The following ZNF3 variants were observed in gnomAD, a reference collection of about 807,000 sequenced individuals.
The protein encoded by ZNF3 is zinc finger protein 3, also known as C2-H2 type zinc finger protein.
Under a neutral mutation model 36.9 loss-of-function variants are expected in ZNF3, and 16 were observed. The ratio of observed to expected loss-of-function variants is 0.43; its 90% CI spans 0.29 to 0.66. The LOEUF (loss-of-function observed/expected upper bound fraction) is 0.66, where lower values mean the gene tolerates loss of function less well. Ranked by LOEUF, ZNF3 falls within the 30% of genes least tolerant of loss-of-function variation. The pLI is 0.13. For synonymous variants in ZNF3, 201 were observed against 201.9 expected, an observed-to-expected ratio of 1.00 and a Z score of 0.04; for missense variants, 462 against 543.1, an observed-to-expected ratio of 0.85 and a Z score of 1.48.
In ZNF3 at chr7:100,071,111, G is replaced by C; in HGVS notation, c.*32C>G. 1 of 1,547,446 alleles carries C rather than the reference G, an allele frequency of 6.5e-7. No homozygotes were observed. Among genetic ancestry groups the C allele is most frequent in the Non-Finnish European group, 8.7e-7 (1 of 1,148,584 alleles). The stretch of plus-strand genomic sequence containing the variant: ...GTAAGGCAAGAGCTCTTGAGACTCA[G>C]GGAAAGTGAGGAAAATGGGTGTGTG... On this transcript the variant is annotated 3_prime_UTR_variant, in exon 6 of 6. Transcript: ENST00000299667.
At chr7:100,064,775 A>G in exon 6 of ZNF3, 2 of 1,614,154 alleles carry the variant, frequency 1.2e-6, no homozygotes, top group South Asian at 2.2e-5. Context: ...GCAACATGGC[A>G]GGCAGGAGGT....
chr7:100,073,813 C>G (rs766511297), intron 5 of ZNF3, among the ~76,000 whole-genome samples: 1 of 151,878 alleles, frequency 6.6e-6, no homozygotes, highest in Non-Finnish European at 1.5e-5. Context: ...GATAATCCTT[C>G]GGAAAAGTCT....
At chr7:100,073,580 G>A (rs980280869) in intron 5 of ZNF3, among the ~76,000 whole-genome samples, 4 of 151,878 alleles carry the variant, frequency 2.6e-5, no homozygotes, top group African/African-American at 9.7e-5. Context: ...TCAAACTCCT[G>A]ACCTCAGTAT....
Position 100,071,417 on chromosome 7 carries a change from T to TA in ZNF3, c.1066dup (p.Tyr356LeufsTer42), listed in dbSNP as rs1562862159. 1 of 1,613,918 alleles carries TA rather than the reference T, an allele frequency of 6.2e-7. No individual in the cohort carries two copies. Among genetic ancestry groups the TA allele is most frequent in the Non-Finnish European group, 8.5e-7 (1 of 1,179,972 alleles). ...TCCAGTGTGGATTCTCTGGTGCTGA[T>TA]AGAGGTGTGAGCTCTGGCTGAAGGC... On this transcript the variant is annotated frameshift_variant, in exon 6 of 6. Coordinates refer to ENST00000299667, the MANE Select transcript of ZNF3 (RefSeq NM_032924.5). LOFTEE classifies it high-confidence loss of function.
In ZNF3 at chr7:100,072,095, T is replaced by C. The variant is rs1452184063; in HGVS notation, c.389A>G (p.Tyr130Cys). The C allele has an allele frequency of 6.2e-6, 10 of 1,614,246 alleles. No individual in the cohort carries two copies. The highest frequency in any genetic ancestry group is 1.6e-4 in the Middle Eastern group (1 of 6,062). The stretch of plus-strand genomic sequence containing the variant: ...CCTTTTCAGACTGACTTCTCGTTCA[T>C]AGGCTTCTTTAAACTTGAGACCCTG... ...ISQGLKFKEA[Y>C]EREVSLKRPL... Residue 130 changes from tyrosine to cysteine, a missense_variant, in exon 6 of 6, where the codon TAT (tyrosine) becomes TGT (cysteine). Physicochemically the swap from Tyr to Cys is radical, Grantham distance 194 (BLOSUM62 -2). Coordinates refer to ENST00000299667, the MANE Select transcript of ZNF3 (RefSeq NM_032924.5).
At chr7:100,077,532 G>T in intron 2 of ZNF3, 99 bp from the exon 3 acceptor site, 1 of 1,173,580 alleles carries the variant, frequency 8.5e-7, no homozygotes, top group Non-Finnish European at 1.1e-6. Flanking sequence ...CAGGAACAGT[G>T]AGAAGAAATG....
chr7:100,066,756 C>T (rs918125893), downstream of ZNF3, among the ~76,000 whole-genome samples: 8 of 151,044 alleles, frequency 5.3e-5, no homozygotes, highest in Non-Finnish European at 8.8e-5. Context: ...ATAAATAGGC[C>T]GGGTGTGGTG....
At chr7:100,077,552 G>T in intron 2 of ZNF3, 119 bp from the exon 3 acceptor site, 1 of 888,214 alleles carries the variant, frequency 1.1e-6, no homozygotes, top group Non-Finnish European at 1.6e-6. Context: ...GTGGCAACTG[G>T]GACTAGTCTT....
intron 3 of ZNF3, chr7:100,077,090 A>C: frequency 1.8e-6 from 1 of 553,502 alleles, no homozygotes; most frequent in African/African-American, 1.9e-5. Flanking sequence ...AAAACAAAAC[A>C]AAACAATCTG....
Position 100,070,106 on chromosome 7 carries a change from G to A in ZNF3, c.*1037C>T, listed in dbSNP as rs1478378327. ...GAGTGCCATCCTCACCCAGCAACGA[G>A]CTCTGCTACCAGGCTCAGGCACAGC... On this transcript the variant is annotated 3_prime_UTR_variant, in exon 6 of 6. Coordinates refer to ENST00000299667, the MANE Select transcript of ZNF3 (RefSeq NM_032924.5). The A allele has an allele frequency of 2.0e-6, 2 of 985,664 alleles. No homozygotes were observed. Among genetic ancestry groups the A allele is most frequent in the Non-Finnish European group, 2.4e-6 (2 of 829,938 alleles). The allele number at this position is 985,664 out of a possible 1,614,324, so 61.1% of individuals were successfully genotyped here.
rs1792514766 is a variant in ZNF3, at chr7:100,064,288, T to G, written c.*500A>C. ...AGAGGCGCCATATCAGTGCAAAGATTGTGGCAAGGCTTTCAGCGGGAAAGG... is the reference window on the plus strand; with the variant it reads ...AGAGGCGCCATATCAGTGCAAAGATGGTGGCAAGGCTTTCAGCGGGAAAGG... On this transcript the variant is annotated 3_prime_UTR_variant, in exon 6 of 6. Coordinates refer to the ZNF3 transcript ENST00000413658. 1 of 1,614,136 alleles carries G rather than the reference T, an allele frequency of 6.2e-7. No homozygotes were observed. Among genetic ancestry groups the G allele is most frequent in the African/African-American group, 1.3e-5 (1 of 75,024 alleles).
downstream of ZNF3, chr7:100,065,024 C>CA: frequency 7.4e-7 from 1 of 1,347,434 alleles, no homozygotes; most frequent in Non-Finnish European, 1.0e-6. Context: ...TCAGAATAAA[C>CA]TTATAACATC....
chr7:100,075,246 C>G lies in ZNF3; in HGVS notation c.160G>C (p.Glu54Gln), dbSNP rs763555610. 33 of 1,614,110 alleles carry G rather than the reference C, an allele frequency of 2.0e-5. No individual in the cohort carries two copies. Among genetic ancestry groups the G allele is most frequent in the Non-Finnish European group, 2.8e-5 (33 of 1,180,026 alleles). Residue 54 changes from glutamate (E) to glutamine (Q), a missense_variant, in exon 5 of 6, where the codon GAG becomes CAG. Transcript: ENST00000299667. ...CGGATGAAGTACACAGCTACATCCT[C>G]AAAGGTTACCAGCTCCTGAAACAAC... is the stretch of plus-strand genomic sequence containing the variant. ...KAKSQELVTF[E>Q]DVAVYFIRKE... is the part of the protein sequence containing the mutation.
intron 5 of ZNF3, among the ~76,000 whole-genome samples, chr7:100,073,151 T>A (rs1292932270): frequency 6.6e-6 from 1 of 152,062 alleles, no homozygotes; most frequent in African/African-American, 2.4e-5. Context: ...AGGAGGTTTA[T>A]CTGCTCACCC....
Position 100,070,918 on chromosome 7 carries a change from G to C in ZNF3, c.*225C>G. On this transcript the variant is annotated 3_prime_UTR_variant, in exon 6 of 6. Coordinates refer to ENST00000299667, the MANE Select transcript of ZNF3 (RefSeq NM_032924.5). ...AACTCCTTTCCTAAATGGGGTAACT[G>C]GTCCCAGAGCTGCTTTCTATTCCCA... 2 of 1,333,058 alleles carry C rather than the reference G, an allele frequency of 1.5e-6. No individual in the cohort carries two copies. The highest frequency in any genetic ancestry group is 1.9e-6 in the Non-Finnish European group (2 of 1,046,144). The allele number at this position is 1,333,058 out of a possible 1,614,324, so 82.6% of individuals were successfully genotyped here. A position where few individuals can be genotyped will look rare whatever the true frequency, so the allele number is the denominator to read the frequency against.
In ZNF3 at chr7:100,071,090, G is replaced by T; in HGVS notation, c.*53C>A. On this transcript the variant is annotated 3_prime_UTR_variant, in exon 6 of 6. Transcript: ENST00000299667. ...TAAGCTGTTGAGATTTATAGGGTAA[G>T]GCAAGAGCTCTTGAGACTCAGGGAA... is the stretch of plus-strand genomic sequence containing the variant. The T allele has an allele frequency of 6.5e-7, 1 of 1,531,340 alleles. No homozygotes were observed. The highest frequency in any genetic ancestry group is 8.8e-7 in the Non-Finnish European group (1 of 1,142,610). 94.9% of individuals were successfully genotyped at this position (1,531,340 alleles called of 1,614,324 possible). A position where few individuals can be genotyped will look rare whatever the true frequency, so the allele number is the denominator to read the frequency against.
At chr7:100,076,714 G>A (rs561751231) in intron 3 of ZNF3, among the ~76,000 whole-genome samples, 5 of 152,204 alleles carry the variant, frequency 3.3e-5, no homozygotes, top group African/African-American at 1.2e-4. Flanking sequence ...CTATGAAGTC[G>A]GCTGCATAGA....
downstream of ZNF3, among the ~76,000 whole-genome samples, chr7:100,067,920 A>G (rs1792729915): frequency 2.6e-5 from 4 of 152,138 alleles, no homozygotes; most frequent in South Asian, 8.3e-4. Context: ...AAACTTACAA[A>G]ATTTTGATCC....
intron 5 of ZNF3, 74 bp from the exon 6 acceptor site, chr7:100,072,286 T>C (rs1366105908): frequency 7.4e-7 from 1 of 1,342,496 alleles, no homozygotes; most frequent in Non-Finnish European, 1.0e-6. Context: ...ACAGGATCAT[T>C]GTAACGAATA....
Sources: gnomAD v4.1 joint callset for allele counts (sites outside exome capture counted in the v4.1 genomes callset) on GRCh38, gnomAD v4.1.1 for gene constraint, MANE v1.5 for transcripts, NCBI Gene and HGNC (gene_info 2026-07-23, HGNC 2026-07-21) for gene names.